The following CTNNA2 variants were observed in gnomAD, a reference collection of about 807,000 sequenced individuals.
CTNNA2 encodes catenin alpha-2.
In CTNNA2, 42 loss-of-function variants were observed where a neutral mutation model predicts 101.0. That is an observed-to-expected ratio of 0.42 (90% CI 0.32 to 0.54). The LOEUF (loss-of-function observed/expected upper bound fraction) is 0.54, where lower values mean the gene tolerates loss of function less well. Among genes scored for constraint, CTNNA2 ranks in the 20% least tolerant of loss-of-function variants. The pLI is 0.14. For missense variants in CTNNA2, 871 were observed against 1,223.1 expected (o/e 0.71, Z 4.29); for synonymous variants, 450 against 456.4 (o/e 0.99, Z 0.18).
At chr2:79,571,174 G>A (rs527920401) in intron 1 of CTNNA2, among the ~76,000 whole-genome samples, 1 of 152,126 alleles carries the variant, frequency 6.6e-6, no homozygotes, top group South Asian at 2.1e-4. Flanking sequence ...ATTTCAACAT[G>A]GTAAAAGGAA....
chr2:79,711,237 T>G (rs1685717769), intron 2 of CTNNA2, among the ~76,000 whole-genome samples: 1 of 152,198 alleles, frequency 6.6e-6, no homozygotes, highest in Non-Finnish European at 1.5e-5. Flanking sequence ...CTGGTGGGAA[T>G]GAGAATGGGA....
At chr2:80,371,936 A>G (rs1413418343) in intron 7 of CTNNA2, among the ~76,000 whole-genome samples, 1 of 152,204 alleles carries the variant, frequency 6.6e-6, no homozygotes, top group African/African-American at 2.4e-5. Flanking sequence ...TGGTGACATG[A>G]AATGACGTAA....
At chr2:79,619,690 C>T (rs2104276443) in intron 1 of CTNNA2, among the ~76,000 whole-genome samples, 1 of 152,270 alleles carries the variant, frequency 6.6e-6, no homozygotes, top group Admixed American at 6.5e-5. Context: ...AATACCTCTG[C>T]TGCCATCACC....
At chr2:79,279,122 T>G (rs1301156240) in intron 2 of CTNNA2, among the ~76,000 whole-genome samples, 3 of 152,142 alleles carry the variant, frequency 2.0e-5, no homozygotes, top group Non-Finnish European at 4.4e-5. Context: ...AATATAATTT[T>G]GAATCTCTTA....
At chr2:80,150,623 A>T (rs56155157) in intron 7 of CTNNA2, among the ~76,000 whole-genome samples, 1 of 152,224 alleles carries the variant, frequency 6.6e-6, no homozygotes, top group South Asian at 2.1e-4. Flanking sequence ...AGAAGGGCTT[A>T]CAGTCTCTCA....
chr2:79,814,387 G>A (rs921067277), intron 3 of CTNNA2, among the ~76,000 whole-genome samples: 4 of 151,902 alleles, frequency 2.6e-5, no homozygotes, highest in Admixed American at 1.3e-4. Context: ...TTTATCCCTC[G>A]CCACCTCTCA....
intron 3 of CTNNA2, among the ~76,000 whole-genome samples, chr2:79,783,610 T>A (rs7585209): frequency 2.0e-5 from 3 of 152,150 alleles, no homozygotes; most frequent in African/African-American, 7.2e-5. Context: ...TCACTCTGTC[T>A]TAATTTTTAC....
At chr2:79,522,081 A>C (rs2103879312) in intron 1 of CTNNA2, among the ~76,000 whole-genome samples, 1 of 152,320 alleles carries the variant, frequency 6.6e-6, no homozygotes, top group Admixed American at 6.5e-5. Context: ...TTGCTTGTTA[A>C]GGCAGAAGCC....
chr2:79,471,152 T>G (rs940509941), intron 4 of CTNNA2, among the ~76,000 whole-genome samples: 1 of 152,210 alleles, frequency 6.6e-6, no homozygotes. Context: ...CCTAGCCTTC[T>G]TCACATGGCA....
intron 1 of CTNNA2, among the ~76,000 whole-genome samples, chr2:79,539,237 G>A (rs1673258805): frequency 6.6e-6 from 1 of 152,102 alleles, no homozygotes; most frequent in Admixed American, 6.6e-5. Context: ...GCATGCAAAT[G>A]GCAGGAAGTA....
intron 4 of CTNNA2, among the ~76,000 whole-genome samples, chr2:79,427,090 A>G (rs1678599141): frequency 6.6e-6 from 1 of 151,938 alleles, no homozygotes. Flanking sequence ...TTTTTTTAAC[A>G]TGAAATGAAG....
intron 9 of CTNNA2, among the ~76,000 whole-genome samples, chr2:80,510,400 C>T (rs2149550510): frequency 6.6e-6 from 1 of 152,298 alleles, no homozygotes; most frequent in East Asian, 1.9e-4. Flanking sequence ...TTATCTGACA[C>T]CCGTCTTAAC....
chr2:79,286,213 G>A (rs1255917938), intron 2 of CTNNA2, among the ~76,000 whole-genome samples: 1 of 152,042 alleles, frequency 6.6e-6, no homozygotes, highest in East Asian at 1.9e-4. Context: ...TATCCAATTT[G>A]CCAGTCTGTG....
At chr2:80,147,413 G>T (rs775493599) in intron 7 of CTNNA2, among the ~76,000 whole-genome samples, 1 of 152,118 alleles carries the variant, frequency 6.6e-6, no homozygotes, top group Admixed American at 6.6e-5. Context: ...TAATCAGTGT[G>T]CAGTAAAGAC....
chr2:80,178,109 C>T (rs1705514264), intron 7 of CTNNA2, among the ~76,000 whole-genome samples: 1 of 152,206 alleles, frequency 6.6e-6, no homozygotes, highest in South Asian at 2.1e-4. Flanking sequence ...GCCATCAGTG[C>T]AGGCTGGGGG....
chr2:79,215,051 T>C (rs1384791081), intron 2 of CTNNA2, among the ~76,000 whole-genome samples: 1 of 152,070 alleles, frequency 6.6e-6, no homozygotes, highest in Non-Finnish European at 1.5e-5. Flanking sequence ...CTAGGGGGCT[T>C]CTGAGGCGAT....
chr2:79,881,012 G>T (rs1683387885), intron 6 of CTNNA2, among the ~76,000 whole-genome samples: 1 of 151,838 alleles, frequency 6.6e-6, no homozygotes. Context: ...ATTTTGGTAT[G>T]TTATCTCTGC....
At chr2:79,406,109 T>C (rs1277171399) in intron 4 of CTNNA2, among the ~76,000 whole-genome samples, 1 of 151,960 alleles carries the variant, frequency 6.6e-6, no homozygotes, top group African/African-American at 2.4e-5. Flanking sequence ...TCAAGAGGAA[T>C]GCAAACTAGA....
At chr2:80,275,169 C>T (rs1159654447) in intron 7 of CTNNA2, among the ~76,000 whole-genome samples, 1 of 152,118 alleles carries the variant, frequency 6.6e-6, no homozygotes, top group East Asian at 1.9e-4. Context: ...CTCTTGGTCA[C>T]ATGAAGATGT....
Sources: gnomAD v4.1 joint callset for allele counts (sites outside exome capture counted in the v4.1 genomes callset) on GRCh38, gnomAD v4.1.1 for gene constraint, MANE v1.5 for transcripts, NCBI Gene and HGNC (gene_info 2026-07-23, HGNC 2026-07-21) for gene names.